Variants in VPS13D observed in about 807,000 individuals in gnomAD.
The protein encoded by VPS13D is vacuolar protein sorting 13 homolog D.
A neutral mutation model predicts 461.9 loss-of-function variants in VPS13D; 187 were observed. The observed-to-expected ratio is 0.40, with a 90% CI of 0.36 to 0.46. The LOEUF is 0.46. VPS13D is among the 20% of genes least tolerant of loss of function. The pLI is 0.60. For missense variants in VPS13D, 4,711 were observed against 5,364.9 expected (o/e 0.88, Z 3.81); for synonymous variants, 1,951 against 1,986.3 (o/e 0.98, Z 0.47).
chr1:12,477,138 A>C (rs1363250743), intron 67 of VPS13D, among the ~76,000 whole-genome samples: 1 of 152,204 alleles, frequency 6.6e-6, no homozygotes. Context: ...TCTTAGTATC[A>C]AGATGGGTGA....
In VPS13D at chr1:12,311,499, C is replaced by G. The variant is rs1484142512; in HGVS notation, c.6696C>G (p.Leu2232=). 4 of 1,614,120 alleles carry G rather than the reference C, an allele frequency of 2.5e-6. No homozygotes were observed. Among genetic ancestry groups the G allele is most frequent in the Non-Finnish European group, 2.5e-6 (3 of 1,180,006 alleles). ...CAGACATATCTATCCATGGCAATCT[C>G]TCCTCAGTCCACTGCTCTCTGGATC... The part of the protein sequence containing the change: ...TVPDISIHGN[L]SSVHCSLDLY... Residue 2232 remains leucine, a synonymous_variant, in exon 28 of 70, where the codon CTC becomes CTG. Coordinates refer to ENST00000620676, the MANE Select transcript of VPS13D (RefSeq NM_015378.4).
In VPS13D at chr1:12,256,320, T is replaced by G; in HGVS notation, c.670-13T>G. ...GCCATTCGGAGCAGAGCAGGTGTTC[T>G]TGTGACACACAGGAGGCCATGGCCA... On this transcript the variant is annotated splice_polypyrimidine_tract_variant and intron_variant, in intron 7 of 69. Coordinates refer to ENST00000620676, the MANE Select transcript of VPS13D (RefSeq NM_015378.4). The G allele has an allele frequency of 6.2e-7, 1 of 1,612,352 alleles. No homozygotes were observed. Among genetic ancestry groups the G allele is most frequent in the Non-Finnish European group, 8.5e-7 (1 of 1,179,556 alleles).
intron 62 of VPS13D, 98 bp from the exon 63 acceptor site, chr1:12,403,727 T>C: frequency 8.0e-7 from 1 of 1,252,790 alleles, no homozygotes; most frequent in Admixed American, 3.1e-5. Flanking sequence ...TGGTTTCCTT[T>C]TTTTGATGAT....
At chr1:12,265,499 T>C (rs569146068) in intron 13 of VPS13D, among the ~76,000 whole-genome samples, 5 of 152,174 alleles carry the variant, frequency 3.3e-5, no homozygotes, top group Admixed American at 6.5e-5. Flanking sequence ...TAGTGATTCC[T>C]CTGATGGACC....
intron 65 of VPS13D, among the ~76,000 whole-genome samples, chr1:12,439,341 T>A (rs1645101498): frequency 6.6e-6 from 1 of 152,152 alleles, no homozygotes; most frequent in South Asian, 2.1e-4. Flanking sequence ...CTCAGTGTTC[T>A]CTTCCTGGAA....
chr1:12,290,592 G>A (rs1182604328), intron 22 of VPS13D, among the ~76,000 whole-genome samples: 2 of 151,950 alleles, frequency 1.3e-5, no homozygotes, highest in African/African-American at 4.8e-5. Flanking sequence ...CATGGTGGTG[G>A]GCACCTGTAG....
Position 12,257,006 on chromosome 1 carries a change from T to C in VPS13D, c.860T>C (p.Met287Thr). The change falls in exon 9 of 70, where the codon ATG becomes ACG. Residue 287 changes from methionine to threonine, a missense_variant. Physicochemically the swap from Met to Thr is moderately conservative, Grantham distance 81. Around this residue, in one of 3 missense-constraint regions of VPS13D, gnomAD observed 4,411 missense variants for 4,937.8 expected, o/e 0.89. Coordinates refer to ENST00000620676, the MANE Select transcript of VPS13D (RefSeq NM_015378.4). The stretch of plus-strand genomic sequence containing the variant: ...ACAAAGCTGCAATACCGGCAAATCA[T>C]GGAATTCCTCAAGGAGCTGGAACGA... ...KLSQLQYRQIMEFLKELERKE... is the reference protein window; with the variant it reads ...KLSQLQYRQITEFLKELERKE... The C allele has an allele frequency of 1.2e-6, 2 of 1,614,148 alleles. No homozygotes were observed. The highest frequency in any genetic ancestry group is 1.7e-6 in the Non-Finnish European group (2 of 1,180,010).
intron 24 of VPS13D, among the ~76,000 whole-genome samples, chr1:12,294,226 A>C (rs556300320): frequency 5.3e-5 from 8 of 152,326 alleles, no homozygotes; most frequent in Non-Finnish European, 1.0e-4. Context: ...GGAAAGAATA[A>C]TATTTTATTT....
chr1:12,409,236 C>G (rs1350466696), intron 63 of VPS13D, among the ~76,000 whole-genome samples: 1 of 152,076 alleles, frequency 6.6e-6, no homozygotes, highest in African/African-American at 2.4e-5. Context: ...GAAATGATCC[C>G]TGAAAGCATA....
intron 22 of VPS13D, among the ~76,000 whole-genome samples, chr1:12,290,097 T>C (rs543996014): frequency 6.6e-6 from 1 of 152,318 alleles, no homozygotes; most frequent in South Asian, 2.1e-4. Flanking sequence ...ACAGTGTTAA[T>C]AATGACTCAT....
At chr1:12,305,226 T>TA (rs1642529630) in intron 26 of VPS13D, among the ~76,000 whole-genome samples, 1 of 152,208 alleles carries the variant, frequency 6.6e-6, no homozygotes, top group Non-Finnish European at 1.5e-5. Flanking sequence ...ATATAAGAAT[T>TA]AGTCATTCCA....
chr1:12,289,646 A>T (rs1642068649), intron 22 of VPS13D, among the ~76,000 whole-genome samples: 1 of 151,502 alleles, frequency 6.6e-6, no homozygotes, highest in African/African-American at 2.4e-5. Flanking sequence ...TTGTTAGAAG[A>T]CATTAGGTAT....
rs938829429 is a variant in VPS13D, at chr1:12,497,542, G to A, written c.12705G>A (p.Gly4235=). The A allele has an allele frequency of 1.9e-6, 3 of 1,614,108 alleles. No homozygotes were observed. Among genetic ancestry groups the A allele is most frequent in the Admixed American group, 3.3e-5 (2 of 60,018 alleles). ...TTCGGAAACCGCGTTGCTGCACGGG[G>A]CCCCAGGGGCTGCTTCCCCGATATT... ...QRVRKPRCCT[G]PQGLLPRYSE... is the part of the protein sequence containing the mutation. The change falls in exon 68 of 70, where the codon GGG becomes GGA. Residue 4235 remains glycine, a synonymous_variant. Coordinates refer to ENST00000620676, the MANE Select transcript of VPS13D (RefSeq NM_015378.4).
intron 40 of VPS13D, among the ~76,000 whole-genome samples, chr1:12,339,460 A>G (rs1643520937): frequency 1.3e-5 from 2 of 152,248 alleles, no homozygotes; most frequent in South Asian, 4.1e-4. Flanking sequence ...CCGAAGGGGT[A>G]GAAATTTCCT....
At chr1:12,404,031 G>A in intron 63 of VPS13D, 58 bp downstream of exon 63, 1 of 1,499,346 alleles carries the variant, frequency 6.7e-7, no homozygotes, top group Non-Finnish European at 9.0e-7. Flanking sequence ...AAGAATGAGT[G>A]TGTTTACTAT....
intron 39 of VPS13D, chr1:12,337,204 A>T (rs1012718803): frequency 2.2e-4 from 33 of 152,202 alleles, no homozygotes; most frequent in African/African-American, 7.5e-4. Flanking sequence ...AGTGTAATCT[A>T]TCTTTTTAAT....
At chr1:12,360,789 T>G (rs1643935561) in intron 50 of VPS13D, among the ~76,000 whole-genome samples, 1 of 152,202 alleles carries the variant, frequency 6.6e-6, no homozygotes, top group Non-Finnish European at 1.5e-5. Flanking sequence ...TAAAGGAACA[T>G]CAGCATTTTC....
At position 12,341,879 on chromosome 1, in the gene VPS13D, C is replaced by T; in HGVS notation, c.8726C>T (p.Pro2909Leu). ...TLWFATLTTT[P>L]TRAALSHSGS... ...TGGTTTGCCACCCTGACCACCACAC[C>T]CACCAGGTAAGCAGTCAGTTTATAT... Residue 2909 changes from proline (P) to leucine (L), a missense_variant, in exon 41 of 70, where the codon CCC becomes CTC. Coordinates refer to ENST00000620676, the MANE Select transcript of VPS13D (RefSeq NM_015378.4). 6.2e-7 allele frequency: 1 copy of T among 1,613,970 alleles called. No individual in the cohort carries two copies. The highest frequency in any genetic ancestry group is 8.5e-7 in the Non-Finnish European group (1 of 1,179,936).
chr1:12,400,288 A>G lies in VPS13D; in HGVS notation c.11742A>G (p.Ala3914=), dbSNP rs1644557966. 6.2e-7 allele frequency: 1 copy of G among 1,614,168 alleles called. No homozygotes were observed. Among genetic ancestry groups the G allele is most frequent in the Non-Finnish European group, 8.5e-7 (1 of 1,180,028 alleles). ...CCGGCCCAGCTGTGCAAGTCAACGC[A>G]GTGAAGTTCCCCAGTAAGAGTGCAC... ...IETGPAVQVN[A]VKFPSKSALT... The change falls in exon 61 of 70, where the codon GCA becomes GCG. Residue 3914 remains alanine, a synonymous_variant. Coordinates refer to ENST00000620676, the MANE Select transcript of VPS13D (RefSeq NM_015378.4).
Sources: allele counts gnomAD v4.1 joint callset (sites outside exome capture counted in the v4.1 genomes callset), GRCh38; gene constraint gnomAD v4.1.1; regional missense constraint gnomAD v4.1.1; transcripts MANE v1.5; gene names NCBI Gene and HGNC (gene_info 2026-07-23, HGNC 2026-07-21).